The following MDGA2 variants were observed in gnomAD, a reference collection of about 807,000 sequenced individuals.
MDGA2 encodes MAM domain containing glycosylphosphatidylinositol anchor 2, also known as MAM domain-containing glycosylphosphatidylinositol anchor protein 2.
MDGA2 carries 40 observed loss-of-function variants against 117.8 expected under a neutral mutation model. That is an observed-to-expected ratio of 0.34 (90% CI 0.26 to 0.44). The LOEUF is 0.44. Among genes scored for constraint, MDGA2 ranks in the 20% least tolerant of loss-of-function variants. MDGA2 has a pLI of 1.00. For missense variants in MDGA2, 1,123 were observed against 1,250.6 expected (o/e 0.90, Z 1.54); for synonymous variants, 452 against 439.0 (o/e 1.03, Z -0.37).
intron 15 of MDGA2, among the ~76,000 whole-genome samples, chr14:46,852,594 A>T (rs748247624): frequency 6.6e-6 from 1 of 151,902 alleles, no homozygotes; most frequent in South Asian, 2.1e-4. Context: ...AATCTACCCA[A>T]TACTTGGGAA....
At position 47,131,812 on chromosome 14, in the gene MDGA2, C is replaced by T. The variant is rs1475857949; in HGVS notation, c.827G>A (p.Arg276Gln). The T allele has an allele frequency of 1.9e-6, 3 of 1,589,474 alleles. No individual in the cohort carries two copies. The highest frequency in any genetic ancestry group is 2.2e-5 in the East Asian group (1 of 44,500). The part of the protein sequence containing the change: ...ETKILKLKNL[R>Q]PQDYANYSCI... ...GCTATAATTAGCATAGTCCTGAGGT[C>T]GAAGATTCTTTAGTTTTAAGATCTT... Residue 276 changes from arginine (R) to glutamine (Q), a missense_variant, in exon 5 of 17, where the codon CGA (arginine) becomes CAA (glutamine). Physicochemically the swap from Arg to Gln is conservative, Grantham distance 43. Around this residue, in one of 2 missense-constraint regions of MDGA2, gnomAD observed 890 missense variants for 1,050.3 expected, o/e 0.85. Coordinates refer to ENST00000399232, the MANE Select transcript of MDGA2 (RefSeq NM_001113498.3).
intron 1 of MDGA2, among the ~76,000 whole-genome samples, chr14:47,504,073 C>T (rs965743779): frequency 6.6e-6 from 1 of 152,080 alleles, no homozygotes; most frequent in African/African-American, 2.4e-5. Flanking sequence ...TGACACAATA[C>T]TTATTGATTA....
chr14:46,855,372 C>A lies in MDGA2; in HGVS notation c.2753-218G>T, dbSNP rs1421273970. On this transcript the variant is annotated intron_variant, in intron 14 of 16. Transcript: ENST00000399232. The surrounding 1 kb of genome is among the most constrained non-coding windows in gnomAD (Gnocchi z 4.1). ...AATTCCCTAGAACATGTGCATGTTG[C>A]CTGATATTGCAAAAGGGATTTAAGG... Among the ~76,000 whole-genome samples, 1 of 151,976 alleles carries A rather than the reference C, an allele frequency of 6.6e-6. No individual in the cohort carries two copies. The highest frequency in any genetic ancestry group is 1.5e-5 in the Non-Finnish European group (1 of 67,996).
At chr14:47,401,002 T>C (rs1305116903) in intron 1 of MDGA2, among the ~76,000 whole-genome samples, 1 of 151,270 alleles carries the variant, frequency 6.6e-6, no homozygotes, top group Non-Finnish European at 1.5e-5. Flanking sequence ...CATGATCCGC[T>C]CACCTCGGCC....
intron 1 of MDGA2, among the ~76,000 whole-genome samples, chr14:47,584,883 C>T (rs1896295951): frequency 6.6e-6 from 1 of 151,798 alleles, no homozygotes; most frequent in South Asian, 2.1e-4. Context: ...TTCCCACTTG[C>T]TCCCTGTCCT....
rs1566718704 is a variant in MDGA2 at position 47,282,717 on chromosome 14, A to AAAAAAAAC, written c.420+18693_420+18694insGTTTTTTT. Among the ~76,000 whole-genome samples, 2 of 148,164 alleles carry AAAAAAAAC rather than the reference A, an allele frequency of 1.3e-5. 1 individual carries two copies. On this transcript the variant is annotated intron_variant, in intron 2 of 16. Coordinates refer to ENST00000399232, the MANE Select transcript of MDGA2 (RefSeq NM_001113498.3). Reference sequence around the variant, plus strand: ...GTCTCAAAAAAAAAAACAAAAAACAAAAAACAAAAAACAGGTAATCAGTTC... The same window carrying AAAAAAAAC: ...GTCTCAAAAAAAAAAACAAAAAACAAAAAAAAACAAAACAAAAAACAGGTAATCAGTTC...
chr14:47,117,750 G>A (rs1369279670), intron 5 of MDGA2, among the ~76,000 whole-genome samples: 1 of 152,114 alleles, frequency 6.6e-6, no homozygotes, highest in African/African-American at 2.4e-5. Flanking sequence ...CAGGGGTTGA[G>A]TGAGGAGGGA....
In MDGA2 at chr14:46,910,778, C is replaced by G. The variant is rs540756759; in HGVS notation, c.2238+9234G>C. 7.9e-5 allele frequency among the ~76,000 whole-genome samples: 12 copies of G among 152,226 alleles called. No individual in the cohort carries two copies. The East Asian group carries it at 2.1e-3, about 27-fold the overall frequency. ...CCAATGGTAGACTGGATAAACAAAA[C>G]GTGGTACATATGCACCAAGGAATGC... On this transcript the variant is annotated intron_variant, in intron 10 of 16. Transcript: ENST00000399232.
At chr14:46,963,786 G>A (rs1885904454) in intron 8 of MDGA2, among the ~76,000 whole-genome samples, 1 of 151,986 alleles carries the variant, frequency 6.6e-6, no homozygotes, top group Admixed American at 6.6e-5. Flanking sequence ...CATTACAAAG[G>A]GACCTAAAAT....
intron 3 of MDGA2, among the ~76,000 whole-genome samples, chr14:47,197,803 G>C (rs748291507): frequency 5.9e-5 from 9 of 152,134 alleles, no homozygotes; most frequent in Admixed American, 2.0e-4. Flanking sequence ...CAGCTACTCA[G>C]GAGGCTGAGG....
chr14:46,960,819 CAT>C (rs1443740507), intron 8 of MDGA2, among the ~76,000 whole-genome samples: 15 of 148,046 alleles, frequency 1.0e-4, no homozygotes, highest in East Asian at 7.8e-4. Context: ...TACACATATA[CAT>C]ATGTGTACAT....
intron 1 of MDGA2, 36 bp from the exon 2 acceptor site, chr14:47,301,586 A>T (rs1424528645): frequency 6.5e-7 from 1 of 1,550,384 alleles, no homozygotes; most frequent in Middle Eastern, 1.7e-4. Context: ...AAGATACATG[A>T]AAAGGTAAGT....
intron 3 of MDGA2, among the ~76,000 whole-genome samples, chr14:47,186,922 T>C (rs184357277): frequency 1.3e-5 from 2 of 152,116 alleles, no homozygotes; most frequent in Admixed American, 1.3e-4. Flanking sequence ...TATGAGTTTA[T>C]AATCATTTGT....
At chr14:46,966,007 G>C (rs1451046499) in intron 8 of MDGA2, among the ~76,000 whole-genome samples, 3 of 151,808 alleles carry the variant, frequency 2.0e-5, no homozygotes, top group African/African-American at 7.3e-5. Context: ...TATTATACAA[G>C]TTTTTTCACT....
intron 1 of MDGA2, among the ~76,000 whole-genome samples, chr14:47,317,259 C>A (rs1202450109): frequency 1.3e-5 from 2 of 151,982 alleles, no homozygotes; most frequent in East Asian, 3.9e-4. Context: ...TACTCAAAAT[C>A]TTTTTTTAGT....
chr14:46,989,545 C>G (rs1340558482), intron 8 of MDGA2, among the ~76,000 whole-genome samples: 6 of 152,026 alleles, frequency 3.9e-5, no homozygotes, highest in Non-Finnish European at 7.4e-5. Flanking sequence ...ATTACATCAA[C>G]TTTAATCTTC....
intron 1 of MDGA2, among the ~76,000 whole-genome samples, chr14:47,390,253 A>T (rs1891863640): frequency 6.6e-6 from 1 of 152,172 alleles, no homozygotes; most frequent in Admixed American, 6.5e-5. Flanking sequence ...TCTTTGCAAT[A>T]TATGTAACTC....
At chr14:47,488,881 T>A (rs1894112260) in intron 1 of MDGA2, among the ~76,000 whole-genome samples, 1 of 152,020 alleles carries the variant, frequency 6.6e-6, no homozygotes, top group Admixed American at 6.6e-5. Context: ...TACTATAGTT[T>A]TCCTCTTAGA....
chr14:47,114,370 T>C (rs116667911), intron 5 of MDGA2, among the ~76,000 whole-genome samples: 2,617 of 152,204 alleles, frequency 0.017, 69 homozygotes, highest in African/African-American at 0.06. Context: ...ATACATTCAA[T>C]GCTATTCTAA....
Sources: gnomAD v4.1 joint callset for allele counts (sites outside exome capture counted in the v4.1 genomes callset) on GRCh38, gnomAD v4.1.1 for gene constraint, gnomAD v4.1.1 regional missense constraint, Gnocchi (gnomAD v3.1) non-coding constraint, MANE v1.5 for transcripts, NCBI Gene and HGNC (gene_info 2026-07-23, HGNC 2026-07-21) for gene names.